TECPR2: variants seen among roughly 807,000 people sequenced by gnomAD.
The protein encoded by TECPR2 is tectonin beta-propeller repeat-containing protein 2.
TECPR2 carries 65 observed loss-of-function variants against 138.1 expected under a neutral mutation model. That is an observed-to-expected ratio of 0.47 (90% confidence interval 0.39 to 0.58). The LOEUF (loss-of-function observed/expected upper bound fraction) is 0.58. TECPR2 is among the 20% of genes least tolerant of loss of function. The pLI is 0.00. For missense variants in TECPR2, 1,553 were observed against 1,824.5 expected, an observed-to-expected ratio of 0.85 and a Z score of 2.71; for synonymous variants, 746 against 749.8, an observed-to-expected ratio of 0.99 and a Z score of 0.08.
intron 16 of TECPR2, among the ~76,000 whole-genome samples, chr14:102,453,233 T>G (rs1373312780): frequency 1.3e-5 from 2 of 152,110 alleles, no homozygotes; most frequent in African/African-American, 4.8e-5. Context: ...CCCAGCACTT[T>G]AGGAGGCTGA....
chr14:102,430,201 T>A (rs1038392193), intron 7 of TECPR2, among the ~76,000 whole-genome samples: 2 of 152,172 alleles, frequency 1.3e-5, no homozygotes, highest in Admixed American at 6.5e-5. Flanking sequence ...CTCGAACTCC[T>A]GAGCTCAGGC....
chr14:102,380,575 G>A (rs1887778335), intron 2 of TECPR2, among the ~76,000 whole-genome samples: 1 of 152,236 alleles, frequency 6.6e-6, no homozygotes, highest in Non-Finnish European at 1.5e-5. Context: ...TACGACATGT[G>A]GGGATTATGG....
chr14:102,481,002 G>A (rs1367824998), intron 17 of TECPR2, among the ~76,000 whole-genome samples: 3 of 149,668 alleles, frequency 2.0e-5, no homozygotes, highest in Non-Finnish European at 4.5e-5. Context: ...CCGCCACCAC[G>A]CCTGGCTAAT....
At position 102,402,963 on chromosome 14, in the gene TECPR2, AAAG is replaced by A. The variant is rs1888533687; in HGVS notation, c.220-4369_220-4367del. On this transcript the variant is annotated intron_variant, in intron 2 of 19. Coordinates refer to ENST00000359520, the MANE Select transcript of TECPR2 (RefSeq NM_014844.5). Reference sequence around the variant, plus strand: ...CACCAGTGAATTTAACCAAGCATTTAAAGAAGAACTAACACTATTTCTTCTCAA... The same window carrying A: ...CACCAGTGAATTTAACCAAGCATTTAAAGAACTAACACTATTTCTTCTCAA... Among the ~76,000 whole-genome samples, 4 of 152,340 alleles carry A rather than the reference AAAG, an allele frequency of 2.6e-5. No individual in the cohort carries two copies. In the South Asian group the frequency reaches 6.2e-4, roughly 24 times the overall value.
chr14:102,498,538 C>T lies in TECPR2; in HGVS notation c.*281C>T. The T allele has an allele frequency of 1.9e-6, 1 of 513,994 alleles. No individual in the cohort carries two copies. Among genetic ancestry groups the T allele is most frequent in the Non-Finnish European group, 3.5e-6 (1 of 282,816 alleles). The allele number at this position is 513,994 out of a possible 1,614,324, so 31.8% of individuals were successfully genotyped here. A position where few individuals can be genotyped will look rare whatever the true frequency, so the allele number is the denominator to read the frequency against. On this transcript the variant is annotated 3_prime_UTR_variant, in exon 20 of 20. Coordinates refer to ENST00000359520, the MANE Select transcript of TECPR2 (RefSeq NM_014844.5). ...ACTCCGATTACCCACGTGCTGCCGT[C>T]CTGGTCTCATCCACAGATAGCTCCA...
chr14:102,382,852 G>A (rs140857800), intron 2 of TECPR2, among the ~76,000 whole-genome samples: 1,635 of 151,902 alleles, frequency 0.011, 30 homozygotes, highest in African/African-American at 0.037. Flanking sequence ...TCCGTCCCCC[G>A]GGTTCAAGTG....
In TECPR2 at chr14:102,420,174, T is replaced by A. The variant is rs1168420608; in HGVS notation, c.639-4805T>A. Among the ~76,000 whole-genome samples the A allele has an allele frequency of 6.6e-6, 1 of 152,206 alleles. No individual in the cohort carries two copies. The highest frequency in any genetic ancestry group is 6.5e-5 in the Admixed American group (1 of 15,276). On this transcript the variant is annotated intron_variant, in intron 5 of 19. Transcript: ENST00000359520. This position sits in a 1 kb window ranked among gnomAD's most constrained non-coding sequence, Gnocchi z 4.1. ...TGTTAGCCAGAACACACTCCTTACA[T>A]ATCAACGTGGTCTATAAAGGGAATT...
intron 16 of TECPR2, among the ~76,000 whole-genome samples, chr14:102,463,416 CAAAAAAAA>C (rs550694466): frequency 2.6e-5 from 1 of 38,534 alleles, no homozygotes; most frequent in Admixed American, 2.9e-4. Flanking sequence ...GACTCCGTCT[CAAAAAAAA>C]AAAAAAAAAA....
intron 9 of TECPR2, chr14:102,437,219 G>C: frequency 1.0e-6 from 1 of 977,292 alleles, no homozygotes; most frequent in Non-Finnish European, 1.2e-6. Context: ...AAGTATTAAA[G>C]TACAAAGACT....
chr14:102,483,794 T>TTTC (rs1222054633), intron 17 of TECPR2, among the ~76,000 whole-genome samples: 2 of 48,940 alleles, frequency 4.1e-5, no homozygotes, highest in African/African-American at 2.2e-4. Context: ...TCCTTTTCTT[T>TTTC]TTTTTTTTTT....
intron 5 of TECPR2, among the ~76,000 whole-genome samples, chr14:102,424,694 G>A (rs370794583): frequency 1.1e-4 from 16 of 152,292 alleles, no homozygotes; most frequent in South Asian, 1.0e-3. Context: ...GATTAGACAC[G>A]AGAGTGGGAT....
intron 2 of TECPR2, among the ~76,000 whole-genome samples, chr14:102,386,205 A>G (rs948783178): frequency 6.6e-6 from 1 of 152,118 alleles, no homozygotes; most frequent in Non-Finnish European, 1.5e-5. Context: ...ACGGTGGCTC[A>G]CGCCTATAAT....
intron 1 of TECPR2, among the ~76,000 whole-genome samples, chr14:102,374,272 A>G (rs1427589643): frequency 6.6e-6 from 1 of 152,148 alleles, no homozygotes; most frequent in Non-Finnish European, 1.5e-5. Context: ...ATTCAGAGAA[A>G]CTTCTCTAGT....
At chr14:102,398,087 A>G (rs1035578857) in intron 2 of TECPR2, among the ~76,000 whole-genome samples, 53 of 150,584 alleles carry the variant, frequency 3.5e-4, no homozygotes, top group South Asian at 1.5e-3. Context: ...AAAAAAAAAA[A>G]AAAAGAAAAA....
At chr14:102,440,758 G>T in intron 11 of TECPR2, 149 bp downstream of exon 11, 1 of 1,127,974 alleles carries the variant, frequency 8.9e-7, no homozygotes, top group Non-Finnish European at 1.2e-6. Flanking sequence ...GAGAGTATTT[G>T]CCATTTGGCA....
chr14:102,498,248 G>A lies in TECPR2; in HGVS notation c.4227G>A (p.Glu1409=), dbSNP rs1393860120. The A allele has an allele frequency of 6.2e-6, 10 of 1,601,682 alleles. No homozygotes were observed. Among genetic ancestry groups the A allele is most frequent in the African/African-American group, 4.0e-5 (3 of 74,922 alleles). ...PHPEDLEDEW[E]VI The stretch of plus-strand genomic sequence containing the variant: ...CTGAGGACCTGGAGGACGAGTGGGA[G>A]GTCATCTGAAGGAGCCCTGGCCGAG... The change falls in exon 20 of 20, where the codon GAG becomes GAA. Residue 1409 remains glutamate, a synonymous_variant. Transcript: ENST00000359520.
chr14:102,471,090 T>A (rs1890645008), intron 17 of TECPR2, among the ~76,000 whole-genome samples: 1 of 152,154 alleles, frequency 6.6e-6, no homozygotes. Flanking sequence ...GTGCTGGGAT[T>A]ACAGACGTGA....
intron 2 of TECPR2, among the ~76,000 whole-genome samples, chr14:102,388,161 G>A (rs1163110892): frequency 6.6e-6 from 1 of 152,202 alleles, no homozygotes; most frequent in African/African-American, 2.4e-5. Context: ...TTTAGGTCCA[G>A]TGATGAGGAG....
intron 2 of TECPR2, among the ~76,000 whole-genome samples, chr14:102,402,162 G>T (rs987085391): frequency 1.3e-5 from 2 of 152,138 alleles, no homozygotes; most frequent in Non-Finnish European, 2.9e-5. Flanking sequence ...CCACAAATTA[G>T]TGTCAATAGA....
Sources: gnomAD v4.1 joint callset for allele counts (sites outside exome capture counted in the v4.1 genomes callset) on GRCh38, gnomAD v4.1.1 for gene constraint, Gnocchi (gnomAD v3.1) non-coding constraint, MANE v1.5 for transcripts, NCBI Gene and HGNC (gene_info 2026-07-23, HGNC 2026-07-21) for gene names.